The following SGSM1 variants were observed in gnomAD, a reference collection of about 807,000 sequenced individuals.
SGSM1 encodes small G protein signaling modulator 1, also known as RUN and TBC1 domain containing 2.
SGSM1 carries 73 observed loss-of-function variants against 133.8 expected under a neutral mutation model. That is an observed-to-expected ratio of 0.55 (90% confidence interval 0.45 to 0.66). SGSM1 has a LOEUF of 0.66. Among genes scored for constraint, SGSM1 ranks in the 30% least tolerant of loss-of-function variants. The pLI is 0.00. For missense variants in SGSM1, 1,213 were observed against 1,448.1 expected, an observed-to-expected ratio of 0.84 and a Z score of 2.64; for synonymous variants, 563 against 573.0, an observed-to-expected ratio of 0.98 and a Z score of 0.25.
At position 24,856,039 on chromosome 22, in the gene SGSM1, A is replaced by ATCCC. The variant is rs572227629; in HGVS notation, c.801+363_801+366dup. The ATCCC allele has an allele frequency of 8.2e-4, 344 of 417,246 alleles. 2 individuals are homozygous for ATCCC. The highest frequency in any genetic ancestry group is 1.3e-3 in the Non-Finnish European group (286 of 212,220). The allele number at this position is 417,246 out of a possible 1,614,324, so 25.8% of individuals were successfully genotyped here. A position where few individuals can be genotyped will look rare whatever the true frequency, so the allele number is the denominator to read the frequency against. On this transcript the variant is annotated intron_variant, in intron 8 of 24. Transcript: ENST00000400358. ...TATCCATCCATCCATCCATCCATCC[A>ATCCC]TCCCTCCATCTATCCATCCATCCAT...
At chr22:24,882,283 T>C (rs1932375341) in intron 14 of SGSM1, among the ~76,000 whole-genome samples, 1 of 152,128 alleles carries the variant, frequency 6.6e-6, no homozygotes, top group African/African-American at 2.4e-5. Flanking sequence ...TTGCCTAGGC[T>C]GGTCTTGAAC....
intron 2 of SGSM1, chr22:24,813,597 G>C (rs1927880577): frequency 6.6e-6 from 1 of 152,192 alleles, no homozygotes; most frequent in Non-Finnish European, 1.5e-5. Context: ...CGTGTGTCGT[G>C]TTTGCTGGCT....
chr22:24,828,345 T>A (rs1293831038), intron 2 of SGSM1, among the ~76,000 whole-genome samples: 1 of 152,212 alleles, frequency 6.6e-6, no homozygotes, highest in East Asian at 1.9e-4. Flanking sequence ...AATAATGCTC[T>A]TTTGAGGATT....
At chr22:24,881,085 T>C (rs199965015) in intron 14 of SGSM1, among the ~76,000 whole-genome samples, 8,249 of 135,824 alleles carry the variant, frequency 0.061, 369 homozygotes, top group East Asian at 0.092. Context: ...CTCAGCTACT[T>C]GGGAGGCTGA....
At chr22:24,814,478 T>G (rs1206898586) in intron 2 of SGSM1, among the ~76,000 whole-genome samples, 1 of 151,970 alleles carries the variant, frequency 6.6e-6, no homozygotes, top group East Asian at 1.9e-4. Flanking sequence ...ACAATCCTCC[T>G]CTGTATCACT....
chr22:24,857,088 G>A lies in SGSM1; in HGVS notation c.801+1408G>A, dbSNP rs185681279. ...CAGCTAAGATACACCATTTCTTAAC[G>A]TAATCTAAACAAATTTAAAAATGTT... is the stretch of plus-strand genomic sequence containing the variant. On this transcript the variant is annotated intron_variant, in intron 8 of 24. Coordinates refer to ENST00000400358, the MANE Select transcript of SGSM1 (RefSeq NM_001098497.3). Among the ~76,000 whole-genome samples the A allele has an allele frequency of 2.1e-3, 316 of 150,502 alleles. 1 individual carries two copies. The highest frequency in any genetic ancestry group is 7.2e-3 in the African/African-American group (296 of 41,182).
Position 24,898,146 on chromosome 22 carries a change from A to T in SGSM1, c.2197A>T (p.Ser733Cys), listed in dbSNP as rs755118097. Residue 733 changes from serine to cysteine, a missense_variant, in exon 19 of 25, where the codon AGC becomes TGC. By Grantham distance (112) the Ser-to-Cys change is moderately radical. Coordinates refer to ENST00000400358, the MANE Select transcript of SGSM1 (RefSeq NM_001098497.3). ...CTCAGAGCACTCAGAGCCCAGTCTGAGCACAGAAGACAGTGTCTTGGACGC... is the reference window on the plus strand; with the variant it reads ...CTCAGAGCACTCAGAGCCCAGTCTGTGCACAGAAGACAGTGTCTTGGACGC... ...GLSEHSEPSL[S>C]TEDSVLDAQR... is the part of the protein sequence containing the mutation. The T allele has an allele frequency of 6.2e-7, 1 of 1,614,028 alleles. No homozygotes were observed. The highest frequency in any genetic ancestry group is 8.5e-7 in the Non-Finnish European group (1 of 1,179,904).
intron 16 of SGSM1, among the ~76,000 whole-genome samples, chr22:24,890,542 A>T (rs1368264366): frequency 6.7e-6 from 1 of 150,208 alleles, no homozygotes; most frequent in Non-Finnish European, 1.5e-5. Context: ...ATGTTTTTTT[A>T]TTATTATTAT....
In SGSM1 at chr22:24,919,842, C is replaced by T. The variant is rs372386580; in HGVS notation, c.3042C>T (p.Asp1014=). The stretch of plus-strand genomic sequence containing the variant: ...TCTTGGCAGAACTCGTCTATGATGA[C>T]GTCTTCTTGGTCTGGGAGACCATCT... ...LDFKRELVYD[D]VFLVWETIWA... is the part of the protein sequence containing the mutation. Residue 1014 remains aspartate (D), a synonymous_variant, in exon 24 of 25, where the codon GAC becomes GAT. Transcript: ENST00000400358. 4.8e-5 allele frequency: 77 copies of T among 1,613,936 alleles called. No homozygotes were observed. The African/African-American group carries it at 5.6e-4, about 12-fold the overall frequency.
chr22:24,886,643 G>A lies in SGSM1; in HGVS notation c.1685G>A (p.Gly562Asp), dbSNP rs1932620532. The change falls in exon 16 of 25, where the codon GGC becomes GAC. Residue 562 changes from glycine to aspartate, a missense_variant. Gly to Asp is a moderately conservative substitution (Grantham distance 94, BLOSUM62 -1). Coordinates refer to ENST00000400358, the MANE Select transcript of SGSM1 (RefSeq NM_001098497.3). ...CTGCTGCGCCTCATCTACTACGGGG[G>A]CATCCAGCCTGAGATCCGCAAGGCC... ...QELLRLIYYG[G>D]IQPEIRKAVW... The A allele has an allele frequency of 1.9e-6, 3 of 1,556,680 alleles. No individual in the cohort carries two copies. The highest frequency in any genetic ancestry group is 1.7e-6 in the Non-Finnish European group (2 of 1,150,070).
At chr22:24,858,671 T>C (rs1195926676) in intron 8 of SGSM1, among the ~76,000 whole-genome samples, 1 of 147,862 alleles carries the variant, frequency 6.8e-6, no homozygotes. Flanking sequence ...AAAGACAATC[T>C]GGACTTGTGG....
At chr22:24,917,605 C>T in intron 22 of SGSM1, 53 bp from the exon 23 acceptor site, 1 of 1,401,196 alleles carries the variant, frequency 7.1e-7, no homozygotes, top group Non-Finnish European at 1.0e-6. Context: ...CAGCTGTCTC[C>T]TCTGCTCCAA....
chr22:24,868,804 G>C lies in SGSM1; in HGVS notation c.1240G>C (p.Ala414Pro). Residue 414 changes from alanine to proline, a missense_variant, in exon 12 of 25, where the codon GCC becomes CCC. Coordinates refer to ENST00000400358, the MANE Select transcript of SGSM1 (RefSeq NM_001098497.3). The part of the protein sequence containing the change: ...STSSDKDDDE[A>P]TDYVFRIIYP... ...ATCTTCAGACAAAGATGATGATGAGGCCACGGATTATGTGTTCAGGATCAT... is the reference window on the plus strand; with the variant it reads ...ATCTTCAGACAAAGATGATGATGAGCCCACGGATTATGTGTTCAGGATCAT... 6.2e-7 allele frequency: 1 copy of C among 1,614,000 alleles called. No homozygotes were observed. The highest frequency in any genetic ancestry group is 8.5e-7 in the Non-Finnish European group (1 of 1,179,894).
At chr22:24,900,248 G>T (rs888710938) in intron 19 of SGSM1, among the ~76,000 whole-genome samples, 19 of 151,744 alleles carry the variant, frequency 1.3e-4, no homozygotes, top group Admixed American at 3.3e-4. Context: ...TCTTGAACTG[G>T]CCTCAAGTGA....
chr22:24,844,925 C>T lies in SGSM1; in HGVS notation c.92C>T (p.Thr31Ile), dbSNP rs1426007115. 1.2e-6 allele frequency: 2 copies of T among 1,613,886 alleles called. No homozygotes were observed. Among genetic ancestry groups the T allele is most frequent in the Admixed American group, 1.7e-5 (1 of 60,014 alleles). ...EVKQIMEEAV[T>I]RKFVHEDSSH... ...AAGCAGATCATGGAGGAGGCTGTGA[C>T]ACGCAAGTTTGTCCACGAAGACAGC... Residue 31 changes from threonine (T) to isoleucine (I), a missense_variant, in exon 3 of 25, where the codon ACA (threonine) becomes ATA (isoleucine). By Grantham distance (89) the Thr-to-Ile change is moderately conservative. Coordinates refer to ENST00000400358, the MANE Select transcript of SGSM1 (RefSeq NM_001098497.3).
At position 24,912,772 on chromosome 22, in the gene SGSM1, C is replaced by T; in HGVS notation, c.2928+20C>T. 3.8e-6 allele frequency: 6 copies of T among 1,579,772 alleles called. No homozygotes were observed. The highest frequency in any genetic ancestry group is 5.2e-6 in the Non-Finnish European group (6 of 1,154,330). ...ATCCAGGTATGACCCAGCATCCATT[C>T]TTGCTTTGGACTTTTTTGGGAAACA... On this transcript the variant is annotated intron_variant, in intron 22 of 24. Transcript: ENST00000400358.
intron 9 of SGSM1, among the ~76,000 whole-genome samples, chr22:24,861,237 C>G (rs1352689169): frequency 6.6e-6 from 1 of 150,522 alleles, no homozygotes; most frequent in Non-Finnish European, 1.5e-5. Flanking sequence ...CCTGTAATCC[C>G]AGCTACTCAG....
chr22:24,888,938 C>CTTTTTTTTTT (rs1234715475), intron 16 of SGSM1, among the ~76,000 whole-genome samples: 8 of 79,952 alleles, frequency 1.0e-4, no homozygotes, highest in African/African-American at 1.8e-4. Context: ...TCATAGTCAC[C>CTTTTTTTTTT]TTTTTTTTTT....
intron 21 of SGSM1, among the ~76,000 whole-genome samples, chr22:24,907,169 A>G (rs180789160): frequency 6.6e-6 from 1 of 151,648 alleles, no homozygotes; most frequent in Admixed American, 6.6e-5. Context: ...CTGGGGCAGG[A>G]GAATTGCTTG....
Sources: allele counts gnomAD v4.1 joint callset (sites outside exome capture counted in the v4.1 genomes callset), GRCh38; gene constraint gnomAD v4.1.1; transcripts MANE v1.5; gene names NCBI Gene and HGNC (gene_info 2026-07-23, HGNC 2026-07-21).